PDE4D: variants seen among roughly 807,000 people sequenced by gnomAD.
PDE4D encodes the protein phosphodiesterase 4D, also known as 3',5'-cyclic-AMP phosphodiesterase 4D.
A neutral mutation model predicts 87.4 loss-of-function variants in PDE4D; 24 were observed. The ratio of observed to expected loss-of-function variants is 0.27; its 90% confidence interval spans 0.20 to 0.39. The LOEUF (loss-of-function observed/expected upper bound fraction) is 0.39. Ranked by LOEUF, PDE4D falls within the 10% of genes least tolerant of loss-of-function variation. The pLI is 1.00. For synonymous variants in PDE4D, 384 were observed against 383.2 expected (o/e 1.00, Z -0.02); for missense variants, 714 against 1,041.0 (o/e 0.69, Z 4.32).
chr5:59,518,266 A>C (rs1341080218), intron 1 of PDE4D, among the ~76,000 whole-genome samples: 1 of 151,758 alleles, frequency 6.6e-6, no homozygotes, highest in Non-Finnish European at 1.5e-5. Context: ...TCATTTTGCC[A>C]GTTTGCAAGG....
At chr5:59,208,128 C>G (rs972686732) in intron 2 of PDE4D, among the ~76,000 whole-genome samples, 1 of 152,166 alleles carries the variant, frequency 6.6e-6, no homozygotes, top group African/African-American at 2.4e-5. Context: ...GATTGTGCCA[C>G]TGCACTCCAA....
intron 3 of PDE4D, among the ~76,000 whole-genome samples, chr5:59,921,643 C>T (rs1171440593): frequency 2.6e-5 from 4 of 152,102 alleles, no homozygotes; most frequent in Non-Finnish European, 5.9e-5. Context: ...TGAGATTAAC[C>T]TGGAAACATG....
At chr5:59,159,202 C>T (rs943473713) in intron 5 of PDE4D, among the ~76,000 whole-genome samples, 16 of 152,086 alleles carry the variant, frequency 1.1e-4, no homozygotes, top group Admixed American at 9.8e-4. Context: ...GATCATAGCT[C>T]ATTGCAGCCT....
chr5:59,862,168 CT>C (rs1309751288), intron 1 of PDE4D, among the ~76,000 whole-genome samples: 1 of 152,168 alleles, frequency 6.6e-6, no homozygotes, highest in Non-Finnish European at 1.5e-5. Context: ...ATTCCCAAGG[CT>C]ACATCCTATG....
chr5:60,022,321 A>G (rs1331847152), intron 2 of PDE4D, among the ~76,000 whole-genome samples: 1 of 152,190 alleles, frequency 6.6e-6, no homozygotes, highest in Non-Finnish European at 1.5e-5. Context: ...TTCGAATAAC[A>G]ATAAAGTCAC....
intron 1 of PDE4D, among the ~76,000 whole-genome samples, chr5:59,761,320 T>C (rs545909904): frequency 1.3e-5 from 2 of 152,310 alleles, no homozygotes; most frequent in South Asian, 2.1e-4. Flanking sequence ...CACACTACTA[T>C]AGACTTTATA....
At chr5:59,560,388 C>CA (rs1046785435) in intron 1 of PDE4D, among the ~76,000 whole-genome samples, 24 of 151,814 alleles carry the variant, frequency 1.6e-4, no homozygotes, top group South Asian at 6.3e-4. Context: ...GATGAAAGCA[C>CA]AAAAAAAACC....
upstream of PDE4D, among the ~76,000 whole-genome samples, chr5:59,894,310 G>C (rs936420971): frequency 6.6e-6 from 1 of 152,178 alleles, no homozygotes; most frequent in African/African-American, 2.4e-5. Flanking sequence ...GCTTGTTGAC[G>C]ATGAGCCCCA....
chr5:60,409,661 A>T (rs1008570552), intron 1 of PDE4D, among the ~76,000 whole-genome samples: 22 of 152,340 alleles, frequency 1.4e-4, no homozygotes, highest in African/African-American at 5.3e-4. Context: ...AAGACAGATA[A>T]AGGAAGAAGG....
intron 1 of PDE4D, among the ~76,000 whole-genome samples, chr5:59,433,756 T>C (rs945750686): frequency 1.3e-5 from 2 of 152,088 alleles, no homozygotes; most frequent in Non-Finnish European, 2.9e-5. Flanking sequence ...CATGATTCTA[T>C]GCTCTTGAGA....
At chr5:59,173,852 A>T (rs1322263643) in intron 5 of PDE4D, among the ~76,000 whole-genome samples, 3 of 152,170 alleles carry the variant, frequency 2.0e-5, no homozygotes, top group Non-Finnish European at 2.9e-5. Flanking sequence ...GAGGACTTAC[A>T]TATTTCTCTC....
At chr5:59,883,934 G>T (rs1446537126) in intron 1 of PDE4D, among the ~76,000 whole-genome samples, 1 of 151,550 alleles carries the variant, frequency 6.6e-6, no homozygotes, top group Non-Finnish European at 1.5e-5. Flanking sequence ...GCTTTTTTTG[G>T]GGGGGTAAGA....
rs140973302 is a variant in PDE4D at position 59,143,532 on chromosome 5, C to T, written c.808+37063G>A. ...TAACTAAAATATACCACACATCCAT[C>T]TGCAAGCATAGCAGTGAAGGTTAAA... On this transcript the variant is annotated intron_variant, in intron 5 of 14. Coordinates refer to ENST00000340635, the MANE Select transcript of PDE4D (RefSeq NM_001104631.2). 1.2e-4 allele frequency among the ~76,000 whole-genome samples: 19 copies of T among 152,306 alleles called. No individual in the cohort carries two copies. In the East Asian group the frequency reaches 3.7e-3, roughly 29 times the overall value.
rs551085469 is a variant in PDE4D, at chr5:59,510,148, T to G, written c.456-294180A>C. Among the ~76,000 whole-genome samples the G allele has an allele frequency of 2.0e-5, 3 of 150,532 alleles. No homozygotes were observed. The South Asian group carries it at 6.2e-4, about 31-fold the overall frequency. ...TTAAAAAGTACTTCTAAATAACACT[T>G]GAGTGAGAGAAGAAATCAAAGGGAT... On this transcript the variant is annotated intron_variant, in intron 1 of 14. Coordinates refer to ENST00000340635, the MANE Select transcript of PDE4D (RefSeq NM_001104631.2).
chr5:59,255,462 T>C (rs911606317), intron 1 of PDE4D, among the ~76,000 whole-genome samples: 1 of 152,076 alleles, frequency 6.6e-6, no homozygotes, highest in Non-Finnish European at 1.5e-5. Context: ...GGGTGATAAC[T>C]ATAAGGTAAG....
chr5:59,837,867 T>C (rs74427412), intron 1 of PDE4D, among the ~76,000 whole-genome samples: 3,256 of 152,174 alleles, frequency 0.021, 57 homozygotes, highest in Non-Finnish European at 0.032. Context: ...AATGAACTCA[T>C]TCTTCTATAC....
intron 1 of PDE4D, among the ~76,000 whole-genome samples, chr5:60,427,706 C>T (rs533267687): frequency 2.6e-5 from 4 of 152,130 alleles, no homozygotes; most frequent in African/African-American, 9.6e-5. Context: ...CTATTTAAGG[C>T]AAAAGTGAAA....
At chr5:59,100,052 G>A (rs2153432994) in intron 5 of PDE4D, among the ~76,000 whole-genome samples, 1 of 152,276 alleles carries the variant, frequency 6.6e-6, no homozygotes, top group East Asian at 1.9e-4. Flanking sequence ...CTTTCACAAT[G>A]TCATGCTTAG....
At position 59,536,357 on chromosome 5, in the gene PDE4D, T is replaced by C. The variant is rs1028079938; in HGVS notation, c.456-320389A>G. ...TGTCTCTACTAAAAATACAAAAAAT[T>C]AGCCAGGCGTGGTGGCAGGCACCTG... On this transcript the variant is annotated intron_variant, in intron 1 of 14. Transcript: ENST00000340635. Among the ~76,000 whole-genome samples the C allele has an allele frequency of 3.3e-5, 5 of 151,386 alleles. No individual in the cohort carries two copies. The South Asian group carries it at 1.0e-3, about 32-fold the overall frequency.
Sources: allele counts gnomAD v4.1 joint callset (sites outside exome capture counted in the v4.1 genomes callset), GRCh38; gene constraint gnomAD v4.1.1; transcripts MANE v1.5; gene names NCBI Gene and HGNC (gene_info 2026-07-23, HGNC 2026-07-21).